The following NTRK3 variants were observed in gnomAD, a reference collection of about 807,000 sequenced individuals.
The protein encoded by NTRK3 is neurotrophic receptor tyrosine kinase 3.
Under a neutral mutation model 91.7 loss-of-function variants are expected in NTRK3, and 24 were observed. That is an observed-to-expected ratio of 0.26 (90% CI 0.19 to 0.37). The LOEUF (loss-of-function observed/expected upper bound fraction) is 0.37. Among genes scored for constraint, NTRK3 ranks in the 10% least tolerant of loss-of-function variants. The probability of loss-of-function intolerance (pLI) is 1.00; values close to 1 mark genes in which losing one functional copy is unlikely to be tolerated. For missense variants in NTRK3, 880 were observed against 1,068.9 expected (o/e 0.82, Z 2.46); for synonymous variants, 483 against 404.0 (o/e 1.20, Z -2.34).
chr15:88,090,852 T>C (rs1186595126), intron 13 of NTRK3, among the ~76,000 whole-genome samples: 1 of 151,512 alleles, frequency 6.6e-6, no homozygotes, highest in African/African-American at 2.4e-5. Context: ...GCCCTAAATG[T>C]GAAAAAAAAA....
chr15:88,048,855 C>T (rs760653998), intron 13 of NTRK3, among the ~76,000 whole-genome samples: 80 of 152,172 alleles, frequency 5.3e-4, no homozygotes, highest in Non-Finnish European at 1.0e-3. Flanking sequence ...GTCCTGAGTT[C>T]TAATCCAAGC....
chr15:88,006,753 G>A (rs778698538), intron 14 of NTRK3, among the ~76,000 whole-genome samples: 2 of 152,246 alleles, frequency 1.3e-5, no homozygotes, highest in Non-Finnish European at 2.9e-5. Flanking sequence ...CACACAGGGA[G>A]AGAAGTACGC....
intron 5 of NTRK3, among the ~76,000 whole-genome samples, chr15:88,149,025 T>G (rs866357342): frequency 6.6e-6 from 1 of 152,194 alleles, no homozygotes; most frequent in South Asian, 2.1e-4. Flanking sequence ...AATATGAAGT[T>G]TGACACACTG....
At chr15:87,975,818 TA>T (rs997868272) in intron 14 of NTRK3, among the ~76,000 whole-genome samples, 5 of 152,178 alleles carry the variant, frequency 3.3e-5, no homozygotes, top group African/African-American at 1.2e-4. Flanking sequence ...GTCTTCTCAC[TA>T]GCAGCACAAG....
exon 13 of NTRK3, chr15:88,126,306 T>A (rs1267406722): frequency 6.2e-7 from 1 of 1,614,074 alleles, no homozygotes; most frequent in Admixed American, 1.7e-5. Flanking sequence ...ACCATATTTG[T>A]TGATCATGAC....
At chr15:88,011,758 A>C (rs2076897069) in intron 14 of NTRK3, among the ~76,000 whole-genome samples, 1 of 152,178 alleles carries the variant, frequency 6.6e-6, no homozygotes, top group Admixed American at 6.5e-5. Flanking sequence ...TTTATCAGTA[A>C]TGTCAGGGAA....
intron 5 of NTRK3, among the ~76,000 whole-genome samples, chr15:88,162,123 C>T (rs2044511781): frequency 6.6e-6 from 1 of 152,178 alleles, no homozygotes; most frequent in South Asian, 2.1e-4. Flanking sequence ...AGTCTCCTCT[C>T]CCAGATACTC....
intron 3 of NTRK3, among the ~76,000 whole-genome samples, chr15:88,246,412 TGTC>T (rs1282435817): frequency 1.3e-5 from 2 of 152,104 alleles, no homozygotes; most frequent in African/African-American, 2.4e-5. Context: ...GAGCACTACT[TGTC>T]GTCCGGTAAT....
rs148492619 is a variant in NTRK3 at position 87,934,086 on chromosome 15, C to A, written c.1717-902G>T. Among the ~76,000 whole-genome samples, 20 of 152,298 alleles carry A rather than the reference C, an allele frequency of 1.3e-4. No homozygotes were observed. In the East Asian group the frequency reaches 3.7e-3, roughly 28 times the overall value. Reference sequence around the variant, plus strand: ...GGGGACTACAAGGCCAAAGATGAAGCCTTTGAGCACATCTGAAGGACCTTG... The same window carrying A: ...GGGGACTACAAGGCCAAAGATGAAGACTTTGAGCACATCTGAAGGACCTTG... On this transcript the variant is annotated intron_variant, in intron 15 of 18. Transcript: ENST00000394480.
At chr15:88,111,937 C>T (rs1315585107) in intron 13 of NTRK3, among the ~76,000 whole-genome samples, 1 of 147,690 alleles carries the variant, frequency 6.8e-6, no homozygotes, top group Non-Finnish European at 1.5e-5. Context: ...GACAGAGTCT[C>T]ACTCTGTCAC....
chr15:88,100,729 G>C (rs916922894), intron 13 of NTRK3, among the ~76,000 whole-genome samples: 10 of 152,116 alleles, frequency 6.6e-5, no homozygotes, highest in Admixed American at 6.5e-4. Flanking sequence ...TTAAAAATCT[G>C]ATCTTTGACA....
intron 13 of NTRK3, among the ~76,000 whole-genome samples, chr15:88,093,958 G>A (rs563010344): frequency 1.3e-5 from 2 of 152,264 alleles, no homozygotes; most frequent in East Asian, 3.9e-4. Flanking sequence ...GCTTGGGGAG[G>A]GCAAACAGCC....
chr15:88,140,571 A>G, intron 6 of NTRK3, among the ~76,000 whole-genome samples: 1 of 152,372 alleles, frequency 6.6e-6, no homozygotes, highest in South Asian at 2.1e-4. Context: ...CATATCTATC[A>G]GTATCTACCA....
Position 88,233,460 on chromosome 15 carries a change from G to A in NTRK3, c.248+22446C>T, listed in dbSNP as rs570412149. Among the ~76,000 whole-genome samples, 2 of 152,154 alleles carry A rather than the reference G, an allele frequency of 1.3e-5. No individual in the cohort carries two copies. The highest frequency in any genetic ancestry group is 1.9e-4 in the East Asian group (1 of 5,164). On this transcript the variant is annotated intron_variant, in intron 3 of 18. Coordinates refer to ENST00000394480, the Ensembl canonical transcript of NTRK3. This position sits in a 1 kb window ranked among gnomAD's most constrained non-coding sequence, Gnocchi z 4.2. The stretch of plus-strand genomic sequence containing the variant: ...ATCCTGGGGAGAAGTGGCACCCCAC[G>A]AAAGTTAGCACACTGAAACCACAGT...
intron 3 of NTRK3, among the ~76,000 whole-genome samples, chr15:88,227,415 A>C (rs1272081448): frequency 1.3e-5 from 2 of 152,138 alleles, no homozygotes; most frequent in African/African-American, 4.8e-5. Context: ...GGTAATTAAG[A>C]TACAATGAGG....
At chr15:87,903,071 C>T (rs979491650) in intron 17 of NTRK3, among the ~76,000 whole-genome samples, 3 of 152,116 alleles carry the variant, frequency 2.0e-5, no homozygotes, top group East Asian at 1.9e-4. Context: ...ATTCTTCAGC[C>T]GGATGCATCT....
At chr15:88,250,080 T>C (rs995472097) in intron 3 of NTRK3, among the ~76,000 whole-genome samples, 3 of 152,204 alleles carry the variant, frequency 2.0e-5, no homozygotes, top group African/African-American at 7.2e-5. Flanking sequence ...GAAGTATCTT[T>C]CTCTGGGGCC....
intron 14 of NTRK3, among the ~76,000 whole-genome samples, chr15:87,961,060 G>A (rs2072233235): frequency 6.6e-6 from 1 of 152,108 alleles, no homozygotes; most frequent in Admixed American, 6.5e-5. Context: ...ATCCTTCACA[G>A]TCTGACTAAT....
chr15:88,228,335 G>A (rs895220218), intron 3 of NTRK3, among the ~76,000 whole-genome samples: 8 of 151,810 alleles, frequency 5.3e-5, no homozygotes, highest in East Asian at 3.9e-4. Flanking sequence ...CACACCTCCC[G>A]CTGGATCTCC....
Sources: allele counts gnomAD v4.1 joint callset (sites outside exome capture counted in the v4.1 genomes callset), GRCh38; gene constraint gnomAD v4.1.1; non-coding constraint Gnocchi (gnomAD v3.1); transcripts MANE v1.5; gene names NCBI Gene and HGNC (gene_info 2026-07-23, HGNC 2026-07-21).